ATAD2: variants seen among roughly 807,000 people sequenced by gnomAD.
ATAD2 encodes ATPase family AAA domain-containing protein 2.
ATAD2 carries 62 observed loss-of-function variants against 168.9 expected under a neutral mutation model. The ratio of observed to expected loss-of-function variants is 0.37; its 90% confidence interval spans 0.30 to 0.45. The LOEUF (loss-of-function observed/expected upper bound fraction) is 0.45, where lower values mean the gene tolerates loss of function less well. Among genes scored for constraint, ATAD2 ranks in the 20% least tolerant of loss-of-function variants. The pLI, the probability that ATAD2 is intolerant of heterozygous loss-of-function variation, is 1.00. For missense variants in ATAD2, 1,419 were observed against 1,667.8 expected (o/e 0.85, Z 2.60); for synonymous variants, 613 against 571.6 (o/e 1.07, Z -1.03).
At chr8:123,407,684 C>T (rs1351668058) in intron 1 of ATAD2, among the ~76,000 whole-genome samples, 1 of 151,626 alleles carries the variant, frequency 6.6e-6, no homozygotes, top group East Asian at 1.9e-4. Flanking sequence ...AAAACTCCAT[C>T]TCTACTAAAA....
At chr8:123,359,959 G>C (rs1828763846) in intron 9 of ATAD2, among the ~76,000 whole-genome samples, 1 of 152,038 alleles carries the variant, frequency 6.6e-6, no homozygotes, top group Admixed American at 6.6e-5. Context: ...GATTCACGGT[G>C]GTGAAATCAG....
intron 1 of ATAD2, among the ~76,000 whole-genome samples, chr8:123,382,227 C>T (rs1002764430): frequency 4.6e-5 from 7 of 152,054 alleles, no homozygotes; most frequent in East Asian, 3.8e-4. Context: ...ACTCTATTGT[C>T]GAATGTTGTT....
rs921245172 is a variant in ATAD2, at chr8:123,323,032, T to C, written c.4037A>G (p.Asn1346Ser). Residue 1346 changes from asparagine to serine, a missense_variant, in exon 27 of 28, where the codon AAC (asparagine) becomes AGC (serine). Asn to Ser is a conservative substitution (Grantham distance 46, BLOSUM62 1). This residue lies in a region of ATAD2 where 303 missense variants were observed against 304.3 expected (regional missense o/e 1.00). Coordinates refer to ENST00000287394, the MANE Select transcript of ATAD2 (RefSeq NM_014109.4). The stretch of plus-strand genomic sequence containing the variant: ...ATTTTCCAACTGAAATATGTTGTAG[T>C]TTTGACTTTTTTTAACAACAGTCTT... The part of the protein sequence containing the change: ...LLKTVVKKSQ[N>S]YNIFQLENLY... The C allele has an allele frequency of 1.2e-6, 2 of 1,611,976 alleles. No individual in the cohort carries two copies. The highest frequency in any genetic ancestry group is 2.7e-5 in the African/African-American group (2 of 74,988).
At chr8:123,358,423 C>A (rs926037243) in intron 11 of ATAD2, among the ~76,000 whole-genome samples, 1 of 151,980 alleles carries the variant, frequency 6.6e-6, no homozygotes, top group Non-Finnish European at 1.5e-5. Flanking sequence ...CGGCTCACTG[C>A]AACCTCCGCA....
chr8:123,407,615 T>A (rs1813084756), intron 1 of ATAD2, among the ~76,000 whole-genome samples: 1 of 151,978 alleles, frequency 6.6e-6, no homozygotes, highest in Admixed American at 6.6e-5. Context: ...TCCCAGCACT[T>A]TGGGAGGCTG....
chr8:123,330,771 T>C (rs978765627), intron 24 of ATAD2, among the ~76,000 whole-genome samples: 37 of 152,240 alleles, frequency 2.4e-4, no homozygotes, highest in African/African-American at 8.4e-4. Context: ...TTTTCTTGAA[T>C]TGTATTAGAG....
At chr8:123,349,578 A>C in intron 13 of ATAD2, 134 bp from the exon 14 acceptor site, 1 of 768,086 alleles carries the variant, frequency 1.3e-6, no homozygotes, top group East Asian at 3.0e-5. Flanking sequence ...ACTATTTCCA[A>C]TGGATTAAAA....
chr8:123,323,741 TTAAA>T (rs1195894015), intron 26 of ATAD2, among the ~76,000 whole-genome samples: 6 of 152,286 alleles, frequency 3.9e-5, no homozygotes, highest in Admixed American at 1.3e-4. Flanking sequence ...ATTTAATACA[TTAAA>T]TAGTCACCTC....
At chr8:123,350,690 C>T (rs1012073171) in intron 13 of ATAD2, among the ~76,000 whole-genome samples, 9 of 152,070 alleles carry the variant, frequency 5.9e-5, no homozygotes, top group African/African-American at 2.2e-4. Flanking sequence ...CTATCTTTCA[C>T]ATTTCCTGGA....
intron 1 of ATAD2, among the ~76,000 whole-genome samples, chr8:123,389,960 T>TATA: frequency 1.1e-5 from 1 of 94,050 alleles, no homozygotes; most frequent in East Asian, 3.0e-4. Flanking sequence ...TACTATTATT[T>TATA]TATATATATA....
At chr8:123,373,077 A>G (rs2129773535) in intron 2 of ATAD2, among the ~76,000 whole-genome samples, 1 of 151,928 alleles carries the variant, frequency 6.6e-6, no homozygotes, top group Middle Eastern at 3.4e-3. Context: ...GATTTTTAGT[A>G]GAGACGAGGT....
At chr8:123,395,328 A>C (rs1386780696) in intron 1 of ATAD2, among the ~76,000 whole-genome samples, 1 of 152,024 alleles carries the variant, frequency 6.6e-6, no homozygotes, top group African/African-American at 2.4e-5. Flanking sequence ...GGTGGATGGG[A>C]GGGGAGTAAC....
chr8:123,344,504 T>C (rs138977080), intron 19 of ATAD2: 3,869 of 184,008 alleles, frequency 0.021, 173 homozygotes, highest in African/African-American at 0.088. Flanking sequence ...AGCCACCACG[T>C]CCAGCTAATT....
chr8:123,347,342 G>C lies in ATAD2; in HGVS notation c.1962C>G (p.Arg654=), dbSNP rs1563842525. 1 of 1,613,770 alleles carries C rather than the reference G, an allele frequency of 6.2e-7. No homozygotes were observed. Among genetic ancestry groups the C allele is most frequent in the Admixed American group, 1.7e-5 (1 of 59,988 alleles). Residue 654 remains arginine (R), a synonymous_variant, in exon 16 of 28, where the codon CGC becomes CGG. Coordinates refer to ENST00000287394, the MANE Select transcript of ATAD2 (RefSeq NM_014109.4). The part of the protein sequence containing the change: ...AEAALCALRR[R]YPQIYTTSEK... ...CACTAGTGGTATAGATCTGTGGGTAGCGTCGTCGTAAAGCACATAAAGCAG... is the reference window on the plus strand; with the variant it reads ...CACTAGTGGTATAGATCTGTGGGTACCGTCGTCGTAAAGCACATAAAGCAG...
intron 26 of ATAD2, among the ~76,000 whole-genome samples, chr8:123,325,237 C>A (rs982418878): frequency 6.6e-6 from 1 of 150,548 alleles, no homozygotes; most frequent in Non-Finnish European, 1.5e-5. Flanking sequence ...GCTGGGAATA[C>A]AGGTGCCCAC....
upstream of ATAD2, chr8:123,401,273 C>T (rs1016588851): frequency 5.7e-6 from 6 of 1,045,806 alleles, no homozygotes; most frequent in Admixed American, 1.0e-4. Context: ...CGAGACTACC[C>T]TGTGGCCTCC....
intron 1 of ATAD2, among the ~76,000 whole-genome samples, chr8:123,405,020 A>G (rs1442212469): frequency 6.6e-6 from 1 of 152,110 alleles, no homozygotes; most frequent in Non-Finnish European, 1.5e-5. Context: ...TATTTAACCC[A>G]CTACCCTAGG....
intron 1 of ATAD2, among the ~76,000 whole-genome samples, chr8:123,389,538 G>A (rs953982048): frequency 6.6e-6 from 1 of 151,550 alleles, no homozygotes; most frequent in Non-Finnish European, 1.5e-5. Flanking sequence ...TACTCAGGAG[G>A]CTGAGGCAGG....
At chr8:123,362,796 G>A (rs949738699) in intron 8 of ATAD2, among the ~76,000 whole-genome samples, 5 of 152,062 alleles carry the variant, frequency 3.3e-5, no homozygotes, top group Non-Finnish European at 7.4e-5. Context: ...TTAAATGCTG[G>A]GAAACAGTGA....
Sources: allele counts gnomAD v4.1 joint callset (sites outside exome capture counted in the v4.1 genomes callset), GRCh38; gene constraint gnomAD v4.1.1; regional missense constraint gnomAD v4.1.1; transcripts MANE v1.5; gene names NCBI Gene and HGNC (gene_info 2026-07-23, HGNC 2026-07-21).